FARP1: variants seen among roughly 807,000 people sequenced by gnomAD.
The protein encoded by FARP1 is FERM, ARHGEF and pleckstrin domain-containing protein 1.
FARP1 carries 52 observed loss-of-function variants against 128.8 expected under a neutral mutation model. That is an observed-to-expected ratio of 0.40 (90% CI 0.32 to 0.51). The LOEUF (loss-of-function observed/expected upper bound fraction) is 0.51. FARP1 is among the 20% of genes least tolerant of loss of function. FARP1 has a pLI of 0.45. For missense variants in FARP1, 1,333 were observed against 1,367.9 expected, an observed-to-expected ratio of 0.97 and a Z score of 0.40; for synonymous variants, 580 against 551.8, an observed-to-expected ratio of 1.05 and a Z score of -0.72.
chr13:98,376,845 A>G (rs1194602718), intron 5 of FARP1, among the ~76,000 whole-genome samples: 4 of 147,134 alleles, frequency 2.7e-5, no homozygotes, highest in Non-Finnish European at 5.9e-5. Context: ...GGGTGAGATG[A>G]TATCTCATTA....
chr13:98,305,652 G>T (rs1248508501), intron 2 of FARP1, among the ~76,000 whole-genome samples: 1 of 152,088 alleles, frequency 6.6e-6, no homozygotes, highest in African/African-American at 2.4e-5. Context: ...TCCTTAATGT[G>T]AAAAGCTTCA....
intron 3 of FARP1, among the ~76,000 whole-genome samples, chr13:98,364,932 A>T (rs1889020461): frequency 6.6e-6 from 1 of 152,202 alleles, no homozygotes; most frequent in Non-Finnish European, 1.5e-5. Context: ...GCTTATAGGT[A>T]GTGCATGGTG....
At chr13:98,189,198 G>T (rs1315446251) in intron 1 of FARP1, among the ~76,000 whole-genome samples, 2 of 152,142 alleles carry the variant, frequency 1.3e-5, no homozygotes, top group African/African-American at 4.8e-5. Context: ...ATGCCCCCTT[G>T]CAGGGCTTCA....
intron 11 of FARP1, among the ~76,000 whole-genome samples, chr13:98,392,257 G>T (rs1385379346): frequency 6.6e-6 from 1 of 150,754 alleles, no homozygotes; most frequent in Non-Finnish European, 1.5e-5. Flanking sequence ...TGCCGAAGTG[G>T]GTGGATCACT....
At chr13:98,400,438 A>G (rs1460657155) in intron 13 of FARP1, 1 of 152,240 alleles carries the variant, frequency 6.6e-6, no homozygotes, top group Non-Finnish European at 1.5e-5. Context: ...ACCTGTAATC[A>G]GTATTCGCAT....
intron 2 of FARP1, among the ~76,000 whole-genome samples, chr13:98,310,523 T>C (rs1886412618): frequency 6.6e-6 from 1 of 152,236 alleles, no homozygotes; most frequent in Non-Finnish European, 1.5e-5. Flanking sequence ...TTTTCAAAAA[T>C]GGCTATTTTG....
intron 2 of FARP1, among the ~76,000 whole-genome samples, chr13:98,220,497 C>A (rs913875338): frequency 2.0e-5 from 3 of 152,124 alleles, no homozygotes; most frequent in Non-Finnish European, 2.9e-5. Flanking sequence ...TTTCTTTTGG[C>A]TCCTTTTATT....
rs543933283 is a variant in FARP1, at chr13:98,160,049, T to C, written c.-24+16557T>C. ...ACTTTAGCTTCACCTTTGAAGATAC[T>C]GACCTATCTGATACACAGTTGTTGG... On this transcript the variant is annotated intron_variant, in intron 1 of 26. Coordinates refer to ENST00000319562, the MANE Select transcript of FARP1 (RefSeq NM_005766.4). Among the ~76,000 whole-genome samples, 5 of 152,352 alleles carry C rather than the reference T, an allele frequency of 3.3e-5. No homozygotes were observed. The East Asian group carries it at 9.6e-4, about 29-fold the overall frequency.
chr13:98,422,618 GAATA>G (rs1439071910), intron 16 of FARP1, among the ~76,000 whole-genome samples: 1 of 152,180 alleles, frequency 6.6e-6, no homozygotes, highest in African/African-American at 2.4e-5. Flanking sequence ...GGAACCAATA[GAATA>G]AATAATGCTG....
At chr13:98,277,384 G>A (rs1157490446) in intron 2 of FARP1, among the ~76,000 whole-genome samples, 1 of 152,070 alleles carries the variant, frequency 6.6e-6, no homozygotes, top group Non-Finnish European at 1.5e-5. Flanking sequence ...GCCCAGGTTG[G>A]TCTTGAACTC....
intron 1 of FARP1, among the ~76,000 whole-genome samples, chr13:98,207,744 A>G (rs115748944): frequency 0.018 from 2,720 of 152,228 alleles, 96 homozygotes; most frequent in African/African-American, 0.061. Context: ...GGGAAGGCCA[A>G]CTTGACTGAT....
At chr13:98,296,289 G>A (rs189813398) in intron 2 of FARP1, among the ~76,000 whole-genome samples, 2 of 151,782 alleles carry the variant, frequency 1.3e-5, no homozygotes, top group Admixed American at 6.6e-5. Context: ...TTCCTGTCCC[G>A]TGGCCCCCCG....
chr13:98,440,627 G>T, intron 23 of FARP1, 43 bp from the exon 24 acceptor site: 1 of 1,576,738 alleles, frequency 6.3e-7, no homozygotes, highest in East Asian at 2.3e-5. Context: ...AAGGGGCGCT[G>T]GGAGGAAAGA....
chr13:98,211,401 GA>G (rs1227786056), intron 1 of FARP1, among the ~76,000 whole-genome samples: 3 of 152,198 alleles, frequency 2.0e-5, no homozygotes, highest in Admixed American at 1.3e-4. Flanking sequence ...AATGCCTGAT[GA>G]TCTGAGGTGG....
chr13:98,293,393 A>T (rs529137015), intron 2 of FARP1, among the ~76,000 whole-genome samples: 1 of 152,280 alleles, frequency 6.6e-6, no homozygotes, highest in South Asian at 2.1e-4. Flanking sequence ...TCAGAGTCAT[A>T]CTTCAGAGGA....
intron 2 of FARP1, among the ~76,000 whole-genome samples, chr13:98,263,166 C>G (rs1285005345): frequency 2.0e-5 from 3 of 152,054 alleles, no homozygotes; most frequent in Non-Finnish European, 4.4e-5. Flanking sequence ...TGCCACCATG[C>G]CTGGCTAATT....
chr13:98,304,673 C>T (rs1295331855), intron 2 of FARP1, among the ~76,000 whole-genome samples: 1 of 152,182 alleles, frequency 6.6e-6, no homozygotes, highest in Non-Finnish European at 1.5e-5. Context: ...CCTTCGCAGA[C>T]CAAACTGATG....
intron 16 of FARP1, among the ~76,000 whole-genome samples, chr13:98,423,384 C>T (rs1327804464): frequency 6.6e-6 from 1 of 152,192 alleles, no homozygotes; most frequent in East Asian, 1.9e-4. Context: ...GAAGATCTCT[C>T]ACTTCCTATT....
chr13:98,330,091 A>G (rs1172538833), intron 2 of FARP1: 1 of 152,390 alleles, frequency 6.6e-6, no homozygotes, highest in African/African-American at 2.4e-5. Context: ...TTAGCCACAA[A>G]GATTTCTGGG....
Sources: allele counts gnomAD v4.1 joint callset (sites outside exome capture counted in the v4.1 genomes callset), GRCh38; gene constraint gnomAD v4.1.1; transcripts MANE v1.5; gene names NCBI Gene and HGNC (gene_info 2026-07-23, HGNC 2026-07-21).